The following RALYL variants were observed in gnomAD, a reference collection of about 807,000 sequenced individuals.
The protein encoded by RALYL is RALY RNA binding protein like, also known as RNA-binding Raly-like protein.
A neutral mutation model predicts 35.1 loss-of-function variants in RALYL; 29 were observed. The ratio of observed to expected loss-of-function variants is 0.83; its 90% CI spans 0.61 to 1.13. The LOEUF is 1.13. Among genes scored for constraint, RALYL ranks in the 50% most tolerant of loss-of-function variants. RALYL has a pLI of 0.00. For missense variants in RALYL, 359 were observed against 360.4 expected, an observed-to-expected ratio of 1.00 and a Z score of 0.03; for synonymous variants, 120 against 127.6, an observed-to-expected ratio of 0.94 and a Z score of 0.40.
chr8:84,645,977 T>C (rs1445777587), intron 2 of RALYL, among the ~76,000 whole-genome samples: 2 of 152,020 alleles, frequency 1.3e-5, no homozygotes, highest in Non-Finnish European at 2.9e-5. Context: ...CCAGTTCAAT[T>C]TTCCTTAATA....
chr8:84,542,648 G>C (rs1047459511), intron 2 of RALYL, among the ~76,000 whole-genome samples: 1 of 152,100 alleles, frequency 6.6e-6, no homozygotes, highest in African/African-American at 2.4e-5. Flanking sequence ...TGCCATGATT[G>C]TAAGTTTCCT....
At chr8:84,652,538 A>G (rs1004228875) in intron 2 of RALYL, among the ~76,000 whole-genome samples, 1 of 152,038 alleles carries the variant, frequency 6.6e-6, no homozygotes, top group Non-Finnish European at 1.5e-5. Flanking sequence ...CTATGTCCCT[A>G]TCTGTGCTTA....
intron 2 of RALYL, among the ~76,000 whole-genome samples, chr8:84,663,421 T>G (rs1831299718): frequency 6.6e-6 from 1 of 152,176 alleles, no homozygotes; most frequent in Non-Finnish European, 1.5e-5. Flanking sequence ...CCACAATGGT[T>G]GAACTAATTT....
At chr8:84,522,204 T>C (rs1312643400) in intron 1 of RALYL, among the ~76,000 whole-genome samples, 1 of 152,008 alleles carries the variant, frequency 6.6e-6, no homozygotes, top group Non-Finnish European at 1.5e-5. Context: ...CTTAATAAAA[T>C]ATTTTATATC....
At chr8:84,264,257 C>T (rs533369426) in intron 1 of RALYL, among the ~76,000 whole-genome samples, 10 of 152,192 alleles carry the variant, frequency 6.6e-5, no homozygotes, top group African/African-American at 2.4e-4. Flanking sequence ...CCTATTTCTC[C>T]ACCACCTCAC....
chr8:84,275,948 C>T (rs1238701658), intron 1 of RALYL, among the ~76,000 whole-genome samples: 2 of 151,842 alleles, frequency 1.3e-5, no homozygotes, highest in African/African-American at 4.8e-5. Context: ...CTTTGGCAAA[C>T]TAATTTTTAA....
chr8:84,820,742 C>T (rs2134230287), intron 4 of RALYL, among the ~76,000 whole-genome samples: 1 of 152,136 alleles, frequency 6.6e-6, no homozygotes, highest in South Asian at 2.1e-4. Context: ...TGTGATGTTC[C>T]CCTCCCTGTG....
At chr8:84,670,283 C>T (rs1359874547) in intron 2 of RALYL, among the ~76,000 whole-genome samples, 1 of 152,066 alleles carries the variant, frequency 6.6e-6, no homozygotes, top group Non-Finnish European at 1.5e-5. Flanking sequence ...ATACTTTTCC[C>T]ACTTGAGGAG....
At chr8:84,342,710 GGTAATATGTT>G (rs1849088713) in intron 1 of RALYL, among the ~76,000 whole-genome samples, 1 of 151,868 alleles carries the variant, frequency 6.6e-6, no homozygotes, top group African/African-American at 2.4e-5. Flanking sequence ...TGCATGCCTG[GGTAATATGTT>G]GTTTCATCAG....
chr8:84,390,378 C>T (rs1860361495), intron 1 of RALYL, among the ~76,000 whole-genome samples: 1 of 151,950 alleles, frequency 6.6e-6, no homozygotes, highest in Admixed American at 6.6e-5. Flanking sequence ...GGGAGGATTC[C>T]CTCTTTTTCT....
At chr8:84,237,761 A>G (rs569633344) in intron 1 of RALYL, among the ~76,000 whole-genome samples, 3 of 152,166 alleles carry the variant, frequency 2.0e-5, no homozygotes, top group Admixed American at 6.5e-5. Flanking sequence ...AATACAACCC[A>G]CAACTCAGAA....
chr8:84,725,819 C>G (rs1050742193), intron 2 of RALYL, among the ~76,000 whole-genome samples: 3 of 151,502 alleles, frequency 2.0e-5, no homozygotes, highest in African/African-American at 7.3e-5. Context: ...ATTTAGTTGA[C>G]CAATGACCCA....
chr8:84,461,186 A>T (rs886089792), intron 1 of RALYL, among the ~76,000 whole-genome samples: 1 of 151,594 alleles, frequency 6.6e-6, no homozygotes, highest in Non-Finnish European at 1.5e-5. Context: ...AAATGTGGAA[A>T]CCCTGTTTTT....
chr8:84,827,208 T>C (rs908040161), intron 4 of RALYL, among the ~76,000 whole-genome samples: 2 of 152,064 alleles, frequency 1.3e-5, no homozygotes, highest in African/African-American at 4.8e-5. Context: ...GGGTTCAATA[T>C]CAAGCTAACA....
intron 2 of RALYL, among the ~76,000 whole-genome samples, chr8:84,741,339 G>T (rs1807248693): frequency 6.6e-6 from 1 of 152,016 alleles, no homozygotes; most frequent in South Asian, 2.1e-4. Flanking sequence ...CACACAGCTA[G>T]CTGTCTTAGT....
intron 2 of RALYL, among the ~76,000 whole-genome samples, chr8:84,548,580 C>A (rs971187063): frequency 1.3e-5 from 2 of 152,094 alleles, no homozygotes; most frequent in African/African-American, 4.8e-5. Flanking sequence ...TGAATGTGAT[C>A]TATTCCTGTT....
intron 2 of RALYL, among the ~76,000 whole-genome samples, chr8:84,631,061 A>G (rs1358854308): frequency 1.3e-5 from 2 of 152,038 alleles, no homozygotes; most frequent in African/African-American, 2.4e-5. Context: ...TCGTGGAAGA[A>G]AAGTGTGATC....
At chr8:84,369,307 T>C (rs1172612839) in intron 1 of RALYL, among the ~76,000 whole-genome samples, 1 of 145,744 alleles carries the variant, frequency 6.9e-6, no homozygotes, top group Non-Finnish European at 1.5e-5. Flanking sequence ...AACTAGTATT[T>C]ATTTATTTAT....
chr8:84,403,529 T>G (rs796343411), intron 1 of RALYL, among the ~76,000 whole-genome samples: 3 of 128,952 alleles, frequency 2.3e-5, no homozygotes, highest in Admixed American at 7.5e-5. Flanking sequence ...TCTCTGTTTT[T>G]TTTTTTTTTT....
Sources: gnomAD v4.1 joint callset for allele counts (sites outside exome capture counted in the v4.1 genomes callset) on GRCh38, gnomAD v4.1.1 for gene constraint, MANE v1.5 for transcripts, NCBI Gene and HGNC (gene_info 2026-07-23, HGNC 2026-07-21) for gene names.